Variants in KHDRBS2 observed in about 807,000 individuals in gnomAD.
KHDRBS2 encodes KH domain-containing, RNA-binding, signal transduction-associated protein 2.
KHDRBS2 carries 26 observed loss-of-function variants against 44.3 expected under a neutral mutation model. The ratio of observed to expected loss-of-function variants is 0.59; its 90% confidence interval spans 0.43 to 0.81. KHDRBS2 has a LOEUF of 0.81. Ranked by LOEUF, KHDRBS2 falls within the 40% of genes least tolerant of loss-of-function variation. KHDRBS2 has a pLI of 0.00. For synonymous variants in KHDRBS2, 194 were observed against 151.1 expected (o/e 1.28, Z -2.08); for missense variants, 476 against 433.1 (o/e 1.10, Z -0.88).
At chr6:61,939,186 G>A (rs758334241) in intron 4 of KHDRBS2, among the ~76,000 whole-genome samples, 5 of 152,226 alleles carry the variant, frequency 3.3e-5, no homozygotes, top group Admixed American at 1.3e-4. Context: ...AATACACATC[G>A]ATGTAATGGA....
intron 7 of KHDRBS2, among the ~76,000 whole-genome samples, chr6:61,723,659 A>G (rs529281464): frequency 2.0e-5 from 3 of 152,282 alleles, no homozygotes; most frequent in Admixed American, 6.5e-5. Context: ...GAAAAACTCA[A>G]TACGAGAACG....
chr6:61,993,309 C>T (rs1776491689), intron 3 of KHDRBS2, among the ~76,000 whole-genome samples: 1 of 152,018 alleles, frequency 6.6e-6, no homozygotes, highest in South Asian at 2.1e-4. Flanking sequence ...CCTTTCATCA[C>T]CACCTACCTA....
chr6:62,179,501 T>C (rs998738169), intron 1 of KHDRBS2, among the ~76,000 whole-genome samples: 56 of 151,826 alleles, frequency 3.7e-4, no homozygotes, highest in African/African-American at 1.3e-3. Flanking sequence ...CCATTCATCA[T>C]GTCCTCTGAT....
intron 1 of KHDRBS2, among the ~76,000 whole-genome samples, chr6:62,194,881 G>A (rs1825362646): frequency 6.6e-6 from 1 of 151,888 alleles, no homozygotes; most frequent in African/African-American, 2.4e-5. Flanking sequence ...CTCAAAATAT[G>A]TTCATCCTTT....
chr6:62,233,091 T>C (rs1369870314), intron 1 of KHDRBS2, among the ~76,000 whole-genome samples: 1 of 152,138 alleles, frequency 6.6e-6, no homozygotes, highest in Non-Finnish European at 1.5e-5. Context: ...AAGATTAACT[T>C]AGGCTAATTG....
chr6:62,252,483 G>T (rs1836711591), intron 1 of KHDRBS2, among the ~76,000 whole-genome samples: 1 of 151,588 alleles, frequency 6.6e-6, no homozygotes, highest in African/African-American at 2.4e-5. Flanking sequence ...ATAGATATTG[G>T]ATTTTTTTTA....
rs368302121 is a variant in KHDRBS2 at position 61,897,604 on chromosome 6, C to A, written c.612-2771G>T. Among the ~76,000 whole-genome samples, 346 of 152,218 alleles carry A rather than the reference C, an allele frequency of 2.3e-3. 2 individuals are homozygous for A. The highest frequency in any genetic ancestry group is 8.1e-3 in the African/African-American group (337 of 41,544). On this transcript the variant is annotated intron_variant, in intron 5 of 8. Coordinates refer to ENST00000281156, the MANE Select transcript of KHDRBS2 (RefSeq NM_152688.4). ...ATTCATATAAATGTTAATCTCTAAT[C>A]TGGCCCTATCCCTGTCTATTCCAAA...
chr6:61,805,462 C>T (rs1787000036), intron 6 of KHDRBS2, among the ~76,000 whole-genome samples: 1 of 152,164 alleles, frequency 6.6e-6, no homozygotes. Flanking sequence ...TTACTCAGCT[C>T]CAAAGTCACT....
chr6:61,904,061 GA>G (rs1804537075), intron 4 of KHDRBS2, among the ~76,000 whole-genome samples: 1 of 152,162 alleles, frequency 6.6e-6, no homozygotes, highest in Non-Finnish European at 1.5e-5. Flanking sequence ...ATACAGAGGG[GA>G]CCAGTCAGCA....
intron 2 of KHDRBS2, among the ~76,000 whole-genome samples, chr6:62,068,819 T>A (rs1794342419): frequency 6.6e-6 from 1 of 151,710 alleles, no homozygotes; most frequent in Admixed American, 6.6e-5. Flanking sequence ...TTTATGGATT[T>A]ATTTCTGGAA....
chr6:61,771,987 A>G (rs889107137), intron 6 of KHDRBS2, among the ~76,000 whole-genome samples: 3 of 152,152 alleles, frequency 2.0e-5, no homozygotes, highest in African/African-American at 7.2e-5. Context: ...AACAAACTGT[A>G]TCTCAGACCA....
chr6:61,799,360 TTTTTTCTTTTTTACATAGTTC>T (rs1175123886), intron 6 of KHDRBS2, among the ~76,000 whole-genome samples: 2 of 151,866 alleles, frequency 1.3e-5, no homozygotes, highest in African/African-American at 4.8e-5. Context: ...TTTTGCATAG[TTTTTTCTTTTTTACATAGTTC>T]TTTTTCTTTT....
chr6:61,980,432 G>A (rs932570653), intron 3 of KHDRBS2, among the ~76,000 whole-genome samples: 6 of 152,124 alleles, frequency 3.9e-5, no homozygotes, highest in Admixed American at 3.3e-4. Flanking sequence ...AGTTTAGAAT[G>A]TTAGTGGGAA....
At chr6:62,045,971 A>G (rs554421974) in intron 3 of KHDRBS2, among the ~76,000 whole-genome samples, 1 of 150,424 alleles carries the variant, frequency 6.6e-6, no homozygotes, top group Non-Finnish European at 1.5e-5. Flanking sequence ...AGAAAGAAAA[A>G]GAAAGAAAAA....
intron 1 of KHDRBS2, among the ~76,000 whole-genome samples, chr6:62,263,583 G>C (rs1838716127): frequency 6.6e-6 from 1 of 151,532 alleles, no homozygotes; most frequent in Admixed American, 6.6e-5. Context: ...ACATATTACT[G>C]CAAATACAAC....
At chr6:61,609,297 G>T in the KHDRBS2 span, among the ~76,000 whole-genome samples, 1 of 152,208 alleles carries the variant, frequency 6.6e-6, no homozygotes, top group Non-Finnish European at 1.5e-5. Flanking sequence ...GGTGGATGTT[G>T]CAGTGAGCCG....
chr6:61,727,443 A>G (rs1360568990), intron 7 of KHDRBS2, among the ~76,000 whole-genome samples: 1 of 152,208 alleles, frequency 6.6e-6, no homozygotes, highest in Non-Finnish European at 1.5e-5. Flanking sequence ...ATCTAACTAA[A>G]GAGCTTCTTC....
chr6:61,954,913 CAT>C lies in KHDRBS2; in HGVS notation c.483+23151_483+23152del, dbSNP rs1198040596. On this transcript the variant is annotated intron_variant, in intron 4 of 8. Transcript: ENST00000281156. ...ATATACACATACATATGTGTGCATACATATATATGTATACACATACATATGTA... is the reference window on the plus strand; with the variant it reads ...ATATACACATACATATGTGTGCATACATATATGTATACACATACATATGTA... Among the ~76,000 whole-genome samples, 16 of 53,866 alleles carry C rather than the reference CAT, an allele frequency of 3.0e-4. 2 individuals carry two copies. Among genetic ancestry groups the C allele is most frequent in the African/African-American group, 1.1e-3 (10 of 9,066 alleles). The allele number at this position is 53,866 out of a possible 152,430, so 35.3% of individuals were successfully genotyped here.
chr6:62,267,800 T>A (rs1839443757), intron 1 of KHDRBS2, among the ~76,000 whole-genome samples: 1 of 152,030 alleles, frequency 6.6e-6, no homozygotes, highest in Non-Finnish European at 1.5e-5. Flanking sequence ...GGGATTCAAA[T>A]CTATCAACTA....
Sources: gnomAD v4.1 joint callset for allele counts (sites outside exome capture counted in the v4.1 genomes callset) on GRCh38, gnomAD v4.1.1 for gene constraint, MANE v1.5 for transcripts, NCBI Gene and HGNC (gene_info 2026-07-23, HGNC 2026-07-21) for gene names.